The following ESRRB variants were observed in gnomAD, a reference collection of about 807,000 sequenced individuals.
The protein encoded by ESRRB is steroid hormone receptor ERR2.
Under a neutral mutation model 46.0 loss-of-function variants are expected in ESRRB, and 16 were observed. The observed-to-expected ratio is 0.35, with a 90% CI of 0.24 to 0.53. The LOEUF (loss-of-function observed/expected upper bound fraction) is 0.53. Ranked by LOEUF, ESRRB falls within the 20% of genes least tolerant of loss-of-function variation. The pLI, the probability that ESRRB is intolerant of heterozygous loss-of-function variation, is 0.93. For missense variants in ESRRB, 488 were observed against 607.4 expected (o/e 0.80, Z 2.07); for synonymous variants, 246 against 259.6 (o/e 0.95, Z 0.50).
chr14:76,419,561 C>T (rs961981464), intron 1 of ESRRB, among the ~76,000 whole-genome samples: 3 of 152,124 alleles, frequency 2.0e-5, no homozygotes, highest in African/African-American at 7.2e-5. Context: ...GCTGGGTAAG[C>T]CCCTGGTGAG....
rs953494053 is a variant in ESRRB, at chr14:76,500,957, G to A, written c.*2499G>A. The A allele has an allele frequency of 1.0e-5, 6 of 588,282 alleles. No homozygotes were observed. The highest frequency in any genetic ancestry group is 8.4e-5 in the Admixed American group (3 of 35,550). 36.4% of individuals were successfully genotyped at this position (588,282 alleles called of 1,614,324 possible). A position where few individuals can be genotyped will look rare whatever the true frequency, so the allele number is the denominator to read the frequency against. ...TGGGAAAGTTCCTGGTACTGAAGGG[G>A]TCCATTGGACACTCAGAAAAGAAGT... On this transcript the variant is annotated 3_prime_UTR_variant, in exon 7 of 7. Transcript: ENST00000644823.
chr14:76,366,310 A>G (rs1884521342), intron 1 of ESRRB, among the ~76,000 whole-genome samples: 2 of 152,244 alleles, frequency 1.3e-5, no homozygotes, highest in African/African-American at 4.8e-5. Flanking sequence ...AAGGAGCGAC[A>G]TATCCCTCAA....
At chr14:76,433,683 C>T (rs1283698671) in intron 1 of ESRRB, among the ~76,000 whole-genome samples, 1 of 152,208 alleles carries the variant, frequency 6.6e-6, no homozygotes, top group African/African-American at 2.4e-5. Flanking sequence ...TCTGCATTCA[C>T]TACTTTCAGC....
At chr14:76,455,071 G>T (rs1020601224) in intron 2 of ESRRB, among the ~76,000 whole-genome samples, 1 of 143,322 alleles carries the variant, frequency 7.0e-6, no homozygotes, top group African/African-American at 2.6e-5. Context: ...ACAAAAATTA[G>T]CCAGGTGTGG....
At chr14:76,407,106 G>C (rs905579783) in intron 1 of ESRRB, among the ~76,000 whole-genome samples, 9 of 152,248 alleles carry the variant, frequency 5.9e-5, no homozygotes, top group Non-Finnish European at 1.3e-4. Context: ...AGGATAAGCT[G>C]ATGTGCCGTC....
chr14:76,491,530 C>A lies in ESRRB; in HGVS notation c.934C>A (p.Arg312Ser). The A allele has an allele frequency of 6.3e-7, 1 of 1,599,178 alleles. No individual in the cohort carries two copies. Among genetic ancestry groups the A allele is most frequent in the Non-Finnish European group, 8.5e-7 (1 of 1,173,358 alleles). The change falls in exon 6 of 7, where the codon CGC becomes AGC. Residue 312 changes from arginine to serine, a missense_variant. Transcript: ENST00000644823. ...AATCCTCATCCTGGGCATCGTGTACCGCTCGCTGCCCTATGACGACAAGCT... is the reference window on the plus strand; with the variant it reads ...AATCCTCATCCTGGGCATCGTGTACAGCTCGCTGCCCTATGACGACAAGCT... ...MEILILGIVY[R>S]SLPYDDKLVY...
At chr14:76,496,669 G>A (rs1010914890) in intron 6 of ESRRB, among the ~76,000 whole-genome samples, 1 of 152,186 alleles carries the variant, frequency 6.6e-6, no homozygotes, top group African/African-American at 2.4e-5. Flanking sequence ...TGGGTGCCAG[G>A]AGACCATTGA....
At chr14:76,407,184 C>T (rs1409301970) in intron 1 of ESRRB, among the ~76,000 whole-genome samples, 3 of 152,224 alleles carry the variant, frequency 2.0e-5, no homozygotes, top group African/African-American at 7.2e-5. Flanking sequence ...AGCTCATCCT[C>T]AGAAATTCTG....
chr14:76,312,895 C>T (rs1026444202), intron 1 of ESRRB, among the ~76,000 whole-genome samples: 2 of 152,080 alleles, frequency 1.3e-5, no homozygotes, highest in Non-Finnish European at 2.9e-5. Flanking sequence ...CCTTTTAGTA[C>T]AAGAACAAAT....
rs1157730326 is a variant in ESRRB at position 76,376,648 on chromosome 14, C to T, written c.50+197C>T. On this transcript the variant is annotated intron_variant, in intron 1 of 6. Coordinates refer to ENST00000644823, the MANE Select transcript of ESRRB (RefSeq NM_001379180.1). This position sits in a 1 kb window ranked among gnomAD's most constrained non-coding sequence, Gnocchi z 4.1. ...GGCATAAACCCTCCTCTAACTTTTT[C>T]CCGCACCCCCTTTTACAAATCCACA... Among the ~76,000 whole-genome samples the T allele has an allele frequency of 1.3e-5, 2 of 152,198 alleles. No individual in the cohort carries two copies. The highest frequency in any genetic ancestry group is 2.9e-5 in the Non-Finnish European group (2 of 68,032).
chr14:76,332,600 TTATATATTTATATATTATATAA>T (rs1884031544), intron 1 of ESRRB, among the ~76,000 whole-genome samples: 4 of 38,454 alleles, frequency 1.0e-4, no homozygotes, highest in Non-Finnish European at 1.7e-4. Flanking sequence ...ATATTATATA[TTATATATTTATATATTATATAA>T]ATATATATTA....
intron 1 of ESRRB, among the ~76,000 whole-genome samples, chr14:76,321,532 C>G (rs1384755579): frequency 6.6e-6 from 1 of 152,228 alleles, no homozygotes; most frequent in Non-Finnish European, 1.5e-5. Context: ...CTTGTGTTAA[C>G]TGTACCCTTA....
At chr14:76,457,171 GC>G in intron 2 of ESRRB, among the ~76,000 whole-genome samples, 1 of 152,254 alleles carries the variant, frequency 6.6e-6, no homozygotes, top group Non-Finnish European at 1.5e-5. Context: ...TTACCCCTCT[GC>G]CTTAAGGTCA....
chr14:76,424,085 G>A (rs1048982591), intron 1 of ESRRB, among the ~76,000 whole-genome samples: 12 of 152,182 alleles, frequency 7.9e-5, no homozygotes, highest in East Asian at 3.8e-4. Flanking sequence ...GATATTTAGC[G>A]CCTCTGGGCC....
At chr14:76,427,923 C>T (rs1364964023) in intron 1 of ESRRB, among the ~76,000 whole-genome samples, 2 of 152,236 alleles carry the variant, frequency 1.3e-5, no homozygotes, top group African/African-American at 4.8e-5. Context: ...CCACAAAGCT[C>T]TCTGGCCCAG....
intron 2 of ESRRB, among the ~76,000 whole-genome samples, chr14:76,452,359 G>C (rs1296152560): frequency 6.6e-6 from 1 of 152,056 alleles, no homozygotes; most frequent in Non-Finnish European, 1.5e-5. Context: ...GGGCACAGTA[G>C]CTCACACTTG....
intron 1 of ESRRB, among the ~76,000 whole-genome samples, chr14:76,394,247 T>C (rs1451931517): frequency 7.1e-6 from 1 of 141,706 alleles, no homozygotes; most frequent in Non-Finnish European, 1.6e-5. Context: ...TCCCCCATCC[T>C]TCTTTCTTTC....
At chr14:76,331,848 A>C (rs1022982280) in intron 1 of ESRRB, among the ~76,000 whole-genome samples, 24 of 151,270 alleles carry the variant, frequency 1.6e-4, no homozygotes, top group Non-Finnish European at 3.1e-4. Context: ...GGCTTTGCTC[A>C]TCAGGAGTCC....
At chr14:76,438,853 C>G (rs529469106) in intron 1 of ESRRB, among the ~76,000 whole-genome samples, 1 of 152,036 alleles carries the variant, frequency 6.6e-6, no homozygotes. Flanking sequence ...CATGCTGGAA[C>G]GTAGGGGTGC....
Sources: allele counts gnomAD v4.1 joint callset (sites outside exome capture counted in the v4.1 genomes callset), GRCh38; gene constraint gnomAD v4.1.1; non-coding constraint Gnocchi (gnomAD v3.1); transcripts MANE v1.5; gene names NCBI Gene and HGNC (gene_info 2026-07-23, HGNC 2026-07-21).